DMRT1: variants seen among roughly 807,000 people sequenced by gnomAD.
DMRT1 encodes doublesex and mab-3 related transcription factor 1.
In DMRT1, 7 loss-of-function variants were observed where a neutral mutation model predicts 32.3. That is an observed-to-expected ratio of 0.22 (90% confidence interval 0.12 to 0.41). The LOEUF (loss-of-function observed/expected upper bound fraction) is 0.41. DMRT1 is among the 10% of genes least tolerant of loss of function. DMRT1 has a pLI of 1.00. For synonymous variants in DMRT1, 278 were observed against 206.1 expected (o/e 1.35, Z -2.99); for missense variants, 625 against 500.5 (o/e 1.25, Z -2.37).
chr9:937,000 A>AT (rs1818909217), intron 4 of DMRT1, among the ~76,000 whole-genome samples: 1 of 151,916 alleles, frequency 6.6e-6, no homozygotes, highest in Non-Finnish European at 1.5e-5. Context: ...ATAACTTCCC[A>AT]TTTTCCATTT....
At chr9:957,383 G>A (rs1190499338) in intron 4 of DMRT1, among the ~76,000 whole-genome samples, 3 of 152,188 alleles carry the variant, frequency 2.0e-5, no homozygotes, top group Non-Finnish European at 4.4e-5. Flanking sequence ...AGAAATACAT[G>A]TATTAAAGAA....
At chr9:962,545 TGGGTG>T (rs1211560547) in intron 4 of DMRT1, among the ~76,000 whole-genome samples, 3 of 30,582 alleles carry the variant, frequency 9.8e-5, no homozygotes, top group Non-Finnish European at 1.8e-4. Flanking sequence ...CAGGAGGGCT[TGGGTG>T]GGGTGGGGTG....
chr9:963,678 C>T (rs900434115), intron 4 of DMRT1, among the ~76,000 whole-genome samples: 8 of 152,172 alleles, frequency 5.3e-5, no homozygotes, highest in African/African-American at 1.4e-4. Context: ...TGCCAAGCTT[C>T]GGACAGCTAA....
intron 2 of DMRT1, among the ~76,000 whole-genome samples, chr9:861,761 T>C (rs1418982957): frequency 7.0e-6 from 1 of 142,830 alleles, no homozygotes; most frequent in Non-Finnish European, 1.5e-5. Context: ...GGGCGGCTGC[T>C]GGGCGGAGAT....
chr9:957,013 A>G (rs1220460504), intron 4 of DMRT1, among the ~76,000 whole-genome samples: 1 of 152,218 alleles, frequency 6.6e-6, no homozygotes, highest in South Asian at 2.1e-4. Context: ...AGCATATTGC[A>G]TGAAGCTGAG....
chr9:858,782 G>A (rs910170449), intron 2 of DMRT1, among the ~76,000 whole-genome samples: 2 of 150,984 alleles, frequency 1.3e-5, no homozygotes, highest in African/African-American at 4.9e-5. Context: ...GCTAAGGCAG[G>A]AGAATCGCTT....
intron 3 of DMRT1, among the ~76,000 whole-genome samples, chr9:900,482 G>T (rs193248355): frequency 6.6e-6 from 1 of 152,030 alleles, no homozygotes; most frequent in African/African-American, 2.4e-5. Flanking sequence ...GCTGTGTGGG[G>T]GTGGCCAGAG....
In DMRT1 at chr9:943,078, T is replaced by C. The variant is rs564012772; in HGVS notation, c.968-24907T>C. Among the ~76,000 whole-genome samples, 335 of 148,206 alleles carry C rather than the reference T, an allele frequency of 2.3e-3. 2 individuals carry two copies. The highest frequency in any genetic ancestry group is 8.2e-3 in the African/African-American group (329 of 39,914). ...CACATAAAAGCAGAACCGAAGACAA[T>C]AAGGATTTGCGTTTTGATAGCATAT... On this transcript the variant is annotated intron_variant, in intron 4 of 4. Transcript: ENST00000382276.
At chr9:846,003 T>C (rs2181401) in intron 1 of DMRT1, among the ~76,000 whole-genome samples, 61,021 of 151,302 alleles carry the variant, frequency 0.4, 14,582 homozygotes, top group Non-Finnish European at 0.54. Context: ...CCTTTTGTTG[T>C]AGTTGCATGT....
intron 2 of DMRT1, among the ~76,000 whole-genome samples, chr9:851,387 C>G (rs982850619): frequency 6.6e-6 from 1 of 151,704 alleles, no homozygotes; most frequent in African/African-American, 2.4e-5. Flanking sequence ...TACAGGCGTG[C>G]GTGGCGATGC....
chr9:871,397 A>G (rs986864352), intron 2 of DMRT1, among the ~76,000 whole-genome samples: 8 of 150,002 alleles, frequency 5.3e-5, no homozygotes, highest in South Asian at 4.2e-4. Flanking sequence ...CAGTGGCACA[A>G]TCTCGGCTCA....
chr9:901,825 A>G (rs999000852), intron 3 of DMRT1, among the ~76,000 whole-genome samples: 2 of 151,156 alleles, frequency 1.3e-5, no homozygotes, highest in African/African-American at 4.9e-5. Context: ...AGCCCTTCAC[A>G]GTCTTGTTAT....
intron 4 of DMRT1, among the ~76,000 whole-genome samples, chr9:954,865 C>T (rs1819547038): frequency 1.3e-5 from 2 of 152,090 alleles, no homozygotes; most frequent in Non-Finnish European, 2.9e-5. Context: ...TGGTCTCGGA[C>T]TCCTGACCTC....
chr9:864,715 T>G (rs1410168522), intron 2 of DMRT1, among the ~76,000 whole-genome samples: 2 of 150,764 alleles, frequency 1.3e-5, no homozygotes, highest in East Asian at 3.9e-4. Context: ...TTAGCCAGGA[T>G]GGTCTCCATC....
chr9:865,096 T>G (rs964927149), intron 2 of DMRT1, among the ~76,000 whole-genome samples: 3 of 152,240 alleles, frequency 2.0e-5, no homozygotes, highest in African/African-American at 7.2e-5. Context: ...CTGTTTGCGT[T>G]GATGTGGAAT....
chr9:932,048 C>T (rs1197983622), intron 4 of DMRT1, among the ~76,000 whole-genome samples: 1 of 152,310 alleles, frequency 6.6e-6, no homozygotes, highest in East Asian at 1.9e-4. Context: ...ATCTGCAGAT[C>T]GCATCCCTAG....
chr9:863,688 C>G lies in DMRT1; in HGVS notation c.538+16545C>G, dbSNP rs375893158. On this transcript the variant is annotated intron_variant, in intron 2 of 4. Transcript: ENST00000382276. ...GGCGTCAGATTTCGGACCCACAGAA[C>G]TCTAAGATAGTCAATTTGTGTCATT... 4.6e-5 allele frequency among the ~76,000 whole-genome samples: 7 copies of G among 152,228 alleles called. No homozygotes were observed. In the East Asian group the frequency reaches 7.7e-4, roughly 17 times the overall value.
intron 4 of DMRT1, among the ~76,000 whole-genome samples, chr9:946,303 C>G (rs930562499): frequency 2.0e-5 from 3 of 152,070 alleles, no homozygotes; most frequent in African/African-American, 7.2e-5. Flanking sequence ...GTATTCCTAG[C>G]AATTTGGTAT....
chr9:876,613 C>A (rs543819924), intron 2 of DMRT1, among the ~76,000 whole-genome samples: 1 of 151,928 alleles, frequency 6.6e-6, no homozygotes, highest in African/African-American at 2.4e-5. Flanking sequence ...TGACTACAAC[C>A]CCCACCTCCT....
Sources: gnomAD v4.1 joint callset for allele counts (sites outside exome capture counted in the v4.1 genomes callset) on GRCh38, gnomAD v4.1.1 for gene constraint, MANE v1.5 for transcripts, NCBI Gene and HGNC (gene_info 2026-07-23, HGNC 2026-07-21) for gene names.